XRRA1: variants seen among roughly 807,000 people sequenced by gnomAD.
XRRA1 encodes X-ray radiation resistance-associated protein 1.
A neutral mutation model predicts 80.2 loss-of-function variants in XRRA1; 69 were observed. The ratio of observed to expected loss-of-function variants is 0.86; its 90% CI spans 0.71 to 1.05. The LOEUF (loss-of-function observed/expected upper bound fraction) is 1.05, where lower values mean the gene tolerates loss of function less well. Ranked by LOEUF, XRRA1 falls within the 50% of genes least tolerant of loss-of-function variation. The probability of loss-of-function intolerance (pLI) is 0.00; values close to 1 mark genes in which losing one functional copy is unlikely to be tolerated. For missense variants in XRRA1, 967 were observed against 976.4 expected, an observed-to-expected ratio of 0.99 and a Z score of 0.13; for synonymous variants, 348 against 389.9, an observed-to-expected ratio of 0.89 and a Z score of 1.27.
chr11:74,928,628 G>T (rs1591502644), intron 6 of XRRA1, among the ~76,000 whole-genome samples: 1 of 152,166 alleles, frequency 6.6e-6, no homozygotes, highest in South Asian at 2.1e-4. Context: ...CTGGCATTCT[G>T]TGTGGAATTA....
intron 6 of XRRA1, 35 bp downstream of exon 6, chr11:74,930,265 G>T: frequency 6.7e-7 from 1 of 1,497,484 alleles, no homozygotes; most frequent in Non-Finnish European, 9.1e-7. Flanking sequence ...CTGGCTAAGA[G>T]GAGGAAGAGA....
At chr11:74,890,094 A>G (rs944801602) in intron 10 of XRRA1, among the ~76,000 whole-genome samples, 4 of 152,216 alleles carry the variant, frequency 2.6e-5, no homozygotes, top group African/African-American at 9.7e-5. Flanking sequence ...TCAACAGAAT[A>G]TACATTCTTC....
At chr11:74,897,411 G>A (rs2052583515) in intron 10 of XRRA1, among the ~76,000 whole-genome samples, 1 of 152,050 alleles carries the variant, frequency 6.6e-6, no homozygotes, top group African/African-American at 2.4e-5. Flanking sequence ...CCTTAAAGAG[G>A]AGGTAGAACA....
At chr11:74,906,753 G>T (rs1413808053) in intron 9 of XRRA1, 1 of 448,966 alleles carries the variant, frequency 2.2e-6, no homozygotes, top group Non-Finnish European at 3.9e-6. Flanking sequence ...TTCCAGAGAA[G>T]TAAAGCTTAA....
intron 6 of XRRA1, 52 bp downstream of exon 6, chr11:74,930,248 G>A: frequency 7.3e-7 from 1 of 1,378,812 alleles, no homozygotes; most frequent in African/African-American, 1.4e-5. Context: ...ACACGTGAAT[G>A]GCTGTGCTGG....
chr11:74,939,218 G>A (rs1269566789), intron 3 of XRRA1, among the ~76,000 whole-genome samples: 1 of 152,096 alleles, frequency 6.6e-6, no homozygotes, highest in Non-Finnish European at 1.5e-5. Context: ...TGGGCATGGT[G>A]GCAAGTGCCT....
chr11:74,907,400 A>G, intron 8 of XRRA1, 127 bp from the exon 9 acceptor site: 1 of 1,240,426 alleles, frequency 8.1e-7, no homozygotes, highest in South Asian at 1.5e-5. Context: ...CTAGTGCCCA[A>G]AAGAGGTCCC....
At position 74,941,237 on chromosome 11, in the gene XRRA1, G is replaced by C. The variant is rs139321146; in HGVS notation, c.-4-355C>G. ...CTTCAGTTTCCTCACCTGCAAAATG[G>C]GGGTTATAATACCTACCTTAAAAGA... On this transcript the variant is annotated intron_variant, in intron 2 of 18. Coordinates refer to ENST00000684022, the MANE Select transcript of XRRA1 (RefSeq NM_001378157.1). Among the ~76,000 whole-genome samples the C allele has an allele frequency of 4.0e-4, 61 of 152,184 alleles. 1 individual carries two copies. Among genetic ancestry groups the C allele is most frequent in the African/African-American group, 1.4e-3 (59 of 41,504 alleles).
chr11:74,921,477 T>A, intron 7 of XRRA1, 130 bp from the exon 8 acceptor site: 2 of 1,221,322 alleles, frequency 1.6e-6, no homozygotes, highest in Non-Finnish European at 2.3e-6. Context: ...ATCTCCAGAT[T>A]AATATTCAAG....
intron 1 of XRRA1, among the ~76,000 whole-genome samples, chr11:74,948,555 A>G (rs1387341677): frequency 6.6e-6 from 1 of 152,112 alleles, no homozygotes; most frequent in Non-Finnish European, 1.5e-5. Context: ...GTCAGAAGGG[A>G]TATATATTGG....
chr11:74,919,014 T>C (rs1365334845), intron 8 of XRRA1: 2 of 152,322 alleles, frequency 1.3e-5, no homozygotes, highest in African/African-American at 4.8e-5. Context: ...GTGATGCAGC[T>C]TCTGATCTCT....
chr11:74,939,641 C>T (rs1043814621), intron 3 of XRRA1, among the ~76,000 whole-genome samples: 5 of 152,146 alleles, frequency 3.3e-5, no homozygotes, highest in African/African-American at 1.2e-4. Context: ...ACTATTTCTC[C>T]AAGAAGCCCA....
intron 10 of XRRA1, among the ~76,000 whole-genome samples, chr11:74,901,953 CA>C (rs1417452608): frequency 6.6e-6 from 1 of 151,986 alleles, no homozygotes; most frequent in Non-Finnish European, 1.5e-5. Flanking sequence ...TTCTGTACAA[CA>C]AAGGAAATAA....
At chr11:74,895,533 A>G (rs1352752995) in intron 10 of XRRA1, among the ~76,000 whole-genome samples, 1 of 152,218 alleles carries the variant, frequency 6.6e-6, no homozygotes, top group Non-Finnish European at 1.5e-5. Context: ...TCCTAGTGTT[A>G]GGCTGGGCTT....
At chr11:74,911,543 A>G (rs1161349110) in intron 8 of XRRA1, 1 of 152,174 alleles carries the variant, frequency 6.6e-6, no homozygotes, top group Non-Finnish European at 1.5e-5. Context: ...ATGATGAATA[A>G]AATATAAAAA....
chr11:74,880,116 G>A (rs2047148232), intron 10 of XRRA1, among the ~76,000 whole-genome samples: 1 of 152,034 alleles, frequency 6.6e-6, no homozygotes, highest in Admixed American at 6.6e-5. Flanking sequence ...TGGTTGGTAA[G>A]CTATTGATTA....
In XRRA1 at chr11:74,877,560, C is replaced by A. The variant is rs371047560; in HGVS notation, c.1004-14539G>T. 1.5e-4 allele frequency among the ~76,000 whole-genome samples: 22 copies of A among 151,600 alleles called. No individual in the cohort carries two copies. The East Asian group carries it at 4.1e-3, about 28-fold the overall frequency. ...ATGTGCCATGCTGGTGCGCTGCACC[C>A]ACTAACTTGTCATCTAGCATTAGGT... is the stretch of plus-strand genomic sequence containing the variant. On this transcript the variant is annotated intron_variant, in intron 10 of 18. Transcript: ENST00000684022.
intron 10 of XRRA1, among the ~76,000 whole-genome samples, chr11:74,903,205 C>T (rs2053905937): frequency 6.6e-6 from 1 of 152,186 alleles, no homozygotes; most frequent in Non-Finnish European, 1.5e-5. Flanking sequence ...TACATATACT[C>T]TGTCATCCAT....
At chr11:74,933,906 C>A in intron 4 of XRRA1, 34 bp from the exon 5 acceptor site, 1 of 1,574,010 alleles carries the variant, frequency 6.4e-7, no homozygotes. Flanking sequence ...TCTCTTAAGG[C>A]CCCTACAAAG....
Sources: allele counts gnomAD v4.1 joint callset (sites outside exome capture counted in the v4.1 genomes callset), GRCh38; gene constraint gnomAD v4.1.1; transcripts MANE v1.5; gene names NCBI Gene and HGNC (gene_info 2026-07-23, HGNC 2026-07-21).